The following RAP1GAP2 variants were observed in gnomAD, a reference collection of about 807,000 sequenced individuals.
RAP1GAP2 encodes the protein RAP1 GTPase activating protein 2.
Under a neutral mutation model 95.0 loss-of-function variants are expected in RAP1GAP2, and 27 were observed. The ratio of observed to expected loss-of-function variants is 0.28; its 90% confidence interval spans 0.21 to 0.39. RAP1GAP2 has a LOEUF of 0.39. Ranked by LOEUF, RAP1GAP2 falls within the 10% of genes least tolerant of loss-of-function variation. The pLI, the probability that RAP1GAP2 is intolerant of heterozygous loss-of-function variation, is 1.00. For missense variants in RAP1GAP2, 771 were observed against 970.0 expected (o/e 0.79, Z 2.72); for synonymous variants, 373 against 380.9 (o/e 0.98, Z 0.24).
chr17:2,865,832 C>T (rs2072593101), intron 2 of RAP1GAP2, among the ~76,000 whole-genome samples: 2 of 152,218 alleles, frequency 1.3e-5, no homozygotes, highest in African/African-American at 4.8e-5. Context: ...CTAGAAAGGG[C>T]TGCCAGCCCT....
chr17:2,941,469 T>C (rs1339600956), intron 3 of RAP1GAP2, among the ~76,000 whole-genome samples: 5 of 152,046 alleles, frequency 3.3e-5, no homozygotes, highest in Non-Finnish European at 7.4e-5. Context: ...ACCATGTGGC[T>C]GTTCTGTGGG....
chr17:3,004,559 G>A lies in RAP1GAP2; in HGVS notation c.1201-810G>A, dbSNP rs1021265864. ...GGGCACCTCTGTGCAGAGGGAAGGC[G>A]GGGTGTGGGGCCCGTCCCACGCCTG... On this transcript the variant is annotated intron_variant, in intron 14 of 24. Coordinates refer to ENST00000254695, the MANE Select transcript of RAP1GAP2 (RefSeq NM_015085.5). The surrounding 1 kb of genome is among the most constrained non-coding windows in gnomAD (Gnocchi z 4.1). Among the ~76,000 whole-genome samples the A allele has an allele frequency of 6.6e-6, 1 of 152,270 alleles. No individual in the cohort carries two copies. The highest frequency in any genetic ancestry group is 1.5e-5 in the Non-Finnish European group (1 of 68,046).
intron 3 of RAP1GAP2, among the ~76,000 whole-genome samples, chr17:2,911,260 A>ATTTTT (rs34227127): frequency 9.1e-5 from 12 of 132,032 alleles, no homozygotes; most frequent in African/African-American, 2.4e-4. Context: ...TTTGAAGGGG[A>ATTTTT]TTTTTTTTTT....
intron 2 of RAP1GAP2, among the ~76,000 whole-genome samples, chr17:2,868,196 G>C (rs2072694013): frequency 6.6e-6 from 1 of 152,120 alleles, no homozygotes; most frequent in Non-Finnish European, 1.5e-5. Flanking sequence ...CCAGACGTCT[G>C]GCCAGTGGAT....
rs1192693801 is a variant in RAP1GAP2 at position 2,962,617 on chromosome 17, C to T, written c.202-53C>T. On this transcript the variant is annotated intron_variant, in intron 4 of 24. Coordinates refer to ENST00000254695, the MANE Select transcript of RAP1GAP2 (RefSeq NM_015085.5). ...TAAGGCCAGGTGCTCTTTATCTGGC[C>T]CTGTCTTCTGACCTTTGCTTTTCTG... The T allele has an allele frequency of 4.2e-5, 64 of 1,524,618 alleles. No homozygotes were observed. In the East Asian group the frequency reaches 1.5e-3, roughly 36 times the overall value. 94.4% of individuals were successfully genotyped at this position (1,524,618 alleles called of 1,614,324 possible).
chr17:3,006,017 G>C lies in RAP1GAP2; in HGVS notation c.1335G>C (p.Lys445Asn). Residue 445 changes from lysine to asparagine, a missense_variant, in exon 16 of 25, where the codon AAG becomes AAC. By Grantham distance (94) the Lys-to-Asn change is moderately conservative (BLOSUM62 0). Coordinates refer to ENST00000254695, the MANE Select transcript of RAP1GAP2 (RefSeq NM_015085.5). ...CCAATGCCGAGAACGCCTGCTGCAA[G>C]TCGGACAAGTTTGCAAAGCTGGAGG... is the stretch of plus-strand genomic sequence containing the variant. ...KLTNAENACCKSDKFAKLEDR... is the reference protein window; with the variant it reads ...KLTNAENACCNSDKFAKLEDR... 6.2e-7 allele frequency: 1 copy of C among 1,610,314 alleles called. No homozygotes were observed. Among genetic ancestry groups the C allele is most frequent in the Non-Finnish European group, 8.5e-7 (1 of 1,177,718 alleles).
intron 3 of RAP1GAP2, among the ~76,000 whole-genome samples, chr17:2,917,697 GC>G (rs2042615298): frequency 6.6e-6 from 1 of 151,518 alleles, no homozygotes; most frequent in African/African-American, 2.4e-5. Context: ...GAGCCACTGT[GC>G]CTGGCCCCCC....
intron 3 of RAP1GAP2, among the ~76,000 whole-genome samples, chr17:2,948,927 G>A (rs1056133975): frequency 6.6e-6 from 1 of 152,194 alleles, no homozygotes; most frequent in Non-Finnish European, 1.5e-5. Flanking sequence ...CCGGCAAGTA[G>A]GGGCATTGGG....
At chr17:2,843,873 C>G (rs932557855) in intron 2 of RAP1GAP2, among the ~76,000 whole-genome samples, 2 of 151,742 alleles carry the variant, frequency 1.3e-5, no homozygotes, top group African/African-American at 4.8e-5. Flanking sequence ...TGTGATCCAT[C>G]ATTTGTGACC....
chr17:2,914,059 G>T (rs1052138369), intron 3 of RAP1GAP2, among the ~76,000 whole-genome samples: 13 of 152,008 alleles, frequency 8.6e-5, no homozygotes, highest in African/African-American at 3.1e-4. Flanking sequence ...TTTTAATAGG[G>T]ACGGGGTTTC....
At chr17:2,881,040 C>T (rs1354369326) in intron 2 of RAP1GAP2, among the ~76,000 whole-genome samples, 1 of 151,944 alleles carries the variant, frequency 6.6e-6, no homozygotes, top group Admixed American at 6.6e-5. Context: ...GCAGGTGGCT[C>T]ATTTGTGGTC....
At chr17:2,881,948 G>C (rs540201269) in intron 2 of RAP1GAP2, among the ~76,000 whole-genome samples, 7 of 151,996 alleles carry the variant, frequency 4.6e-5, no homozygotes, top group African/African-American at 1.7e-4. Flanking sequence ...AGCCTCCCGA[G>C]TAGCTGGGAC....
chr17:3,026,970 C>T lies in RAP1GAP2; in HGVS notation c.2007C>T (p.Pro669=), dbSNP rs1216877184. 6.4e-7 allele frequency: 1 copy of T among 1,553,960 alleles called. No homozygotes were observed. The highest frequency in any genetic ancestry group is 2.4e-5 in the East Asian group (1 of 41,100). ...SGGSQPSTTS[P]FKQEVFVYSP... ...GCAGCCAGCCGTCCACGACCTCACCCTTCAAGCAGGAGGTGTTTGTCTACA... is the reference window on the plus strand; with the variant it reads ...GCAGCCAGCCGTCCACGACCTCACCTTTCAAGCAGGAGGTGTTTGTCTACA... The change falls in exon 22 of 25, where the codon CCC becomes CCT. Residue 669 remains proline, a synonymous_variant. Transcript: ENST00000254695.
At chr17:2,786,771 G>C (rs994649214) in intron 1 of RAP1GAP2, among the ~76,000 whole-genome samples, 1 of 150,866 alleles carries the variant, frequency 6.6e-6, no homozygotes, top group Admixed American at 6.6e-5. Context: ...CCAGTCTCCT[G>C]AGTAGCTGGG....
intron 2 of RAP1GAP2, among the ~76,000 whole-genome samples, chr17:2,818,744 C>T (rs890321218): frequency 6.6e-6 from 1 of 152,148 alleles, no homozygotes; most frequent in Non-Finnish European, 1.5e-5. Context: ...TGTGAGGTGG[C>T]GTTCTGGCGC....
intron 2 of RAP1GAP2, among the ~76,000 whole-genome samples, chr17:2,848,232 T>C (rs2071671325): frequency 6.6e-6 from 1 of 152,086 alleles, no homozygotes. Flanking sequence ...GCCACACAAG[T>C]CACAGAGATC....
intron 3 of RAP1GAP2, among the ~76,000 whole-genome samples, chr17:2,929,342 C>T (rs1201390742): frequency 1.3e-5 from 2 of 152,124 alleles, no homozygotes; most frequent in African/African-American, 4.8e-5. Flanking sequence ...GGTGTGCACC[C>T]GGCACAGGCG....
At chr17:2,998,551 C>T (rs1184410176) in intron 14 of RAP1GAP2, among the ~76,000 whole-genome samples, 175 bp downstream of exon 14, 1 of 152,046 alleles carries the variant, frequency 6.6e-6, no homozygotes, top group Non-Finnish European at 1.5e-5. Context: ...GCCACCTGAT[C>T]CCCCTTGCTG....
intron 3 of RAP1GAP2, among the ~76,000 whole-genome samples, chr17:2,944,693 G>T (rs1048672634): frequency 6.6e-6 from 1 of 151,370 alleles, no homozygotes; most frequent in East Asian, 1.9e-4. Context: ...GATAGAGATC[G>T]CGTTAGATAG....
Sources: allele counts gnomAD v4.1 joint callset (sites outside exome capture counted in the v4.1 genomes callset), GRCh38; gene constraint gnomAD v4.1.1; non-coding constraint Gnocchi (gnomAD v3.1); transcripts MANE v1.5; gene names NCBI Gene and HGNC (gene_info 2026-07-23, HGNC 2026-07-21).